DENND6B: variants seen among roughly 807,000 people sequenced by gnomAD.
The protein encoded by DENND6B is protein DENND6B.
DENND6B carries 73 observed loss-of-function variants against 85.1 expected under a neutral mutation model. That is an observed-to-expected ratio of 0.86 (90% confidence interval 0.71 to 1.04). The LOEUF (loss-of-function observed/expected upper bound fraction) is 1.04. Ranked by LOEUF, DENND6B falls within the 50% of genes least tolerant of loss-of-function variation. The probability of loss-of-function intolerance (pLI) is 0.00; values close to 1 mark genes in which losing one functional copy is unlikely to be tolerated. For missense variants in DENND6B, 715 were observed against 785.8 expected (o/e 0.91, Z 1.08); for synonymous variants, 357 against 329.3 (o/e 1.08, Z -0.91).
At chr22:50,324,722 C>T (rs1425039318) in intron 1 of DENND6B, among the ~76,000 whole-genome samples, 2 of 152,206 alleles carry the variant, frequency 1.3e-5, no homozygotes, top group Non-Finnish European at 2.9e-5. Context: ...CCATGCCCAG[C>T]CTTCAAAGTG....
intron 1 of DENND6B, among the ~76,000 whole-genome samples, chr22:50,325,304 C>G (rs1302995516): frequency 2.0e-5 from 3 of 150,612 alleles, no homozygotes; most frequent in Non-Finnish European, 4.4e-5. Flanking sequence ...GAAAATAACA[C>G]GAGAATGTCT....
intron 3 of DENND6B, among the ~76,000 whole-genome samples, chr22:50,318,519 C>G (rs192497179): frequency 1.3e-5 from 2 of 152,302 alleles, no homozygotes; most frequent in South Asian, 2.1e-4. Flanking sequence ...AAACCAGGCA[C>G]CAGAAAATGG....
chr22:50,312,484 A>G (rs750609768), intron 18 of DENND6B, 39 bp downstream of exon 18: 1 of 1,428,464 alleles, frequency 7.0e-7, no homozygotes, highest in South Asian at 1.2e-5. Flanking sequence ...GCCCACCCCC[A>G]CCATGTTCTG....
At chr22:50,315,844 C>A in intron 8 of DENND6B, 75 bp from the exon 9 acceptor site, 7 of 1,472,772 alleles carry the variant, frequency 4.8e-6, no homozygotes, top group Non-Finnish European at 5.4e-6. Context: ...CCCTGCCTCA[C>A]AGCACAGGGG....
chr22:50,319,236 C>T, intron 1 of DENND6B: 1 of 1,458,360 alleles, frequency 6.9e-7, no homozygotes, highest in South Asian at 1.4e-5. Flanking sequence ...CCCACACCAC[C>T]TTCTCTGGCT....
intron 3 of DENND6B, among the ~76,000 whole-genome samples, chr22:50,318,495 C>T (rs2041929156): frequency 1.3e-5 from 2 of 152,204 alleles, no homozygotes; most frequent in South Asian, 2.1e-4. Context: ...TTGGCTTGAC[C>T]TGCTTGAGAT....
At position 50,326,720 on chromosome 22, in the gene DENND6B, G is replaced by A. The variant is rs955124390; in HGVS notation, c.177+92C>T. On this transcript the variant is annotated intron_variant, in intron 1 of 19. Coordinates refer to ENST00000413817, the MANE Select transcript of DENND6B (RefSeq NM_001001794.4). ...GCGGCGGCCGAAGGCCAGGGAGAGT[G>A]CGGGGCGGCCGAGGGCCCCAAGCGA... 24 of 1,162,550 alleles carry A rather than the reference G, an allele frequency of 2.1e-5. No individual in the cohort carries two copies. In the African/African-American group the frequency reaches 3.9e-4, roughly 19 times the overall value. The allele number at this position is 1,162,550 out of a possible 1,614,324, so 72.0% of individuals were successfully genotyped here. A position where few individuals can be genotyped will look rare whatever the true frequency, so the allele number is the denominator to read the frequency against.
rs778675788 is a variant in DENND6B at position 50,316,624 on chromosome 22, C to T, written c.454-149G>A. The T allele has an allele frequency of 3.0e-5, 46 of 1,533,008 alleles. No homozygotes were observed. In the South Asian group the frequency reaches 4.4e-4, roughly 15 times the overall value. 95.0% of individuals were successfully genotyped at this position (1,533,008 alleles called of 1,614,324 possible). ...CTTCACAGGACAGCTGCCCCAGGAACGCCTGACTTGGACCCCAGAATTATT... is the reference window on the plus strand; with the variant it reads ...CTTCACAGGACAGCTGCCCCAGGAATGCCTGACTTGGACCCCAGAATTATT... On this transcript the variant is annotated intron_variant, in intron 5 of 19. Coordinates refer to ENST00000413817, the MANE Select transcript of DENND6B (RefSeq NM_001001794.4).
chr22:50,323,989 C>A (rs981817489), intron 1 of DENND6B, among the ~76,000 whole-genome samples: 60 of 152,172 alleles, frequency 3.9e-4, no homozygotes, highest in African/African-American at 1.3e-3. Flanking sequence ...CCTGCCTCGG[C>A]CTCCTAAAGG....
At chr22:50,319,541 C>T (rs943538884) in intron 1 of DENND6B, 12 of 981,622 alleles carry the variant, frequency 1.2e-5, no homozygotes, top group Admixed American at 6.2e-5. Flanking sequence ...CCCCCTCACC[C>T]GGGATGGTCA....
intron 5 of DENND6B, 80 bp from the exon 6 acceptor site, chr22:50,316,555 G>A (rs1301113089): frequency 7.8e-6 from 12 of 1,546,918 alleles, no homozygotes; most frequent in African/African-American, 1.4e-5. Context: ...GACCACCGAA[G>A]CCACGCTCAC....
At position 50,311,988 on chromosome 22, in the gene DENND6B, G is replaced by A; in HGVS notation, c.*151C>T. The A allele has an allele frequency of 7.6e-7, 1 of 1,314,746 alleles. No individual in the cohort carries two copies. Among genetic ancestry groups the A allele is most frequent in the Admixed American group, 2.7e-5 (1 of 36,736 alleles). 81.4% of individuals were successfully genotyped at this position (1,314,746 alleles called of 1,614,324 possible). A position where few individuals can be genotyped will look rare whatever the true frequency, so the allele number is the denominator to read the frequency against. On this transcript the variant is annotated 3_prime_UTR_variant, in exon 20 of 20. Coordinates refer to ENST00000413817, the MANE Select transcript of DENND6B (RefSeq NM_001001794.4). The stretch of plus-strand genomic sequence containing the variant: ...TGTGGTTCCAAATGTCGCCTTTACT[G>A]CTGAGACAATGGTGGTGCAGGAAGG...
intron 1 of DENND6B, among the ~76,000 whole-genome samples, chr22:50,320,183 CCAGA>C (rs1005357235): frequency 1.3e-5 from 2 of 152,228 alleles, no homozygotes; most frequent in Non-Finnish European, 2.9e-5. Context: ...CCCTGAGCCC[CCAGA>C]CAGTGAGGAG....
In DENND6B at chr22:50,318,986, G is replaced by C. The variant is rs1356378062; in HGVS notation, c.195C>G (p.Asp65Glu). The C allele has an allele frequency of 1.2e-6, 2 of 1,603,300 alleles. No homozygotes were observed. ...GQALELVYPNDFRLTDKEKSS... is the reference protein window; with the variant it reads ...GQALELVYPNEFRLTDKEKSS... ...TCACCTCCTTGTCTGTGAGCCGGAAGTCGTTCGGATACACCAGCTGCAGAG... is the reference window on the plus strand; with the variant it reads ...TCACCTCCTTGTCTGTGAGCCGGAACTCGTTCGGATACACCAGCTGCAGAG... The change falls in exon 2 of 20, where the codon GAC (aspartate) becomes GAG (glutamate). Residue 65 changes from aspartate to glutamate, a missense_variant. Coordinates refer to ENST00000413817, the MANE Select transcript of DENND6B (RefSeq NM_001001794.4).
intron 5 of DENND6B, 31 bp from the exon 6 acceptor site, chr22:50,316,506 A>G (rs774957213): frequency 4.6e-5 from 71 of 1,553,482 alleles, no homozygotes; most frequent in Admixed American, 3.1e-4. Flanking sequence ...TTAGAGGCCC[A>G]GTGCCAGGCC....
chr22:50,314,360 CT>C, intron 12 of DENND6B, 39 bp downstream of exon 12: 1 of 1,572,102 alleles, frequency 6.4e-7, no homozygotes, highest in Admixed American at 1.9e-5. Flanking sequence ...CTCAACGAGG[CT>C]TCTGAGCAGC....
At chr22:50,317,809 G>T in intron 4 of DENND6B, 99 bp downstream of exon 4, 1 of 1,240,518 alleles carries the variant, frequency 8.1e-7, no homozygotes, top group Non-Finnish European at 1.1e-6. Flanking sequence ...GCCACACAGG[G>T]CCCAGGCACT....
intron 11 of DENND6B, 50 bp from the exon 12 acceptor site, chr22:50,314,544 G>A (rs1366062800): frequency 6.4e-7 from 1 of 1,553,818 alleles, no homozygotes; most frequent in Non-Finnish European, 8.7e-7. Flanking sequence ...CCAGGGAGGT[G>A]CAGGAAGGGC....
At position 50,312,579 on chromosome 22, in the gene DENND6B, G is replaced by T; in HGVS notation, c.1504C>A (p.His502Asn). ...PHFDGWYRQR[H>N]KEMALKLEAL... ...TCCAGCTTCAGGGCCATCTCCTTGT[G>T]CCGCTGCCGGTACCAGCCATCAAAA... The change falls in exon 18 of 20, where the codon CAC becomes AAC. Residue 502 changes from histidine to asparagine, a missense_variant. By Grantham distance (68) the His-to-Asn change is moderately conservative. Coordinates refer to ENST00000413817, the MANE Select transcript of DENND6B (RefSeq NM_001001794.4). The T allele has an allele frequency of 1.9e-6, 3 of 1,591,428 alleles. No individual in the cohort carries two copies. Among genetic ancestry groups the T allele is most frequent in the Non-Finnish European group, 2.6e-6 (3 of 1,169,636 alleles).
Sources: gnomAD v4.1 joint callset for allele counts (sites outside exome capture counted in the v4.1 genomes callset) on GRCh38, gnomAD v4.1.1 for gene constraint, MANE v1.5 for transcripts, NCBI Gene and HGNC (gene_info 2026-07-23, HGNC 2026-07-21) for gene names.